Variants in PHF21B observed in about 807,000 individuals in gnomAD.
PHF21B encodes the protein PHD finger protein 21B, also known as PHD finger protein 4.
Under a neutral mutation model 62.2 loss-of-function variants are expected in PHF21B, and 22 were observed. That is an observed-to-expected ratio of 0.35 (90% confidence interval 0.25 to 0.51). The LOEUF (loss-of-function observed/expected upper bound fraction) is 0.51. Among genes scored for constraint, PHF21B ranks in the 20% least tolerant of loss-of-function variants. The pLI, the probability that PHF21B is intolerant of heterozygous loss-of-function variation, is 0.97. For synonymous variants in PHF21B, 341 were observed against 314.7 expected (o/e 1.08, Z -0.88); for missense variants, 701 against 707.9 (o/e 0.99, Z 0.11).
chr22:44,929,120 C>A (rs1223013548), intron 2 of PHF21B, among the ~76,000 whole-genome samples: 1 of 152,272 alleles, frequency 6.6e-6, no homozygotes, highest in African/African-American at 2.4e-5. Context: ...CTTTAGAGAA[C>A]TGCTGTGATG....
intron 2 of PHF21B, among the ~76,000 whole-genome samples, chr22:44,946,730 G>T (rs534964268): frequency 6.6e-6 from 1 of 152,244 alleles, no homozygotes; most frequent in East Asian, 1.9e-4. Context: ...GGATGCTCAG[G>T]ATTCCAGGGG....
At chr22:44,996,322 T>A (rs2073122341) in intron 2 of PHF21B, among the ~76,000 whole-genome samples, 1 of 152,108 alleles carries the variant, frequency 6.6e-6, no homozygotes, top group African/African-American at 2.4e-5. Flanking sequence ...TCAGGGAGCA[T>A]CCGCCAGCCT....
At chr22:44,999,537 A>G (rs2073176084) in intron 2 of PHF21B, among the ~76,000 whole-genome samples, 1 of 152,108 alleles carries the variant, frequency 6.6e-6, no homozygotes, top group Admixed American at 6.5e-5. Flanking sequence ...TCGGAGCAAA[A>G]GTACTGCTCG....
Position 44,961,470 on chromosome 22 carries a change from T to G in PHF21B, c.121-40980A>C, listed in dbSNP as rs537873806. On this transcript the variant is annotated intron_variant, in intron 2 of 12. Transcript: ENST00000313237. ...CACTGTTGCCGTCTTTATGTCCCTG[T>G]GAATCTAATGTTTAGCTCTTACTTC... 2.0e-5 allele frequency among the ~76,000 whole-genome samples: 3 copies of G among 152,288 alleles called. No homozygotes were observed. The East Asian group carries it at 5.8e-4, about 29-fold the overall frequency.
chr22:44,951,554 T>C (rs2072194389), intron 2 of PHF21B, among the ~76,000 whole-genome samples: 1 of 152,350 alleles, frequency 6.6e-6, no homozygotes. Context: ...TTGCACTCTT[T>C]GGGTCTTGAT....
chr22:44,924,264 A>G lies in PHF21B; in HGVS notation c.121-3774T>C, dbSNP rs74279901. On this transcript the variant is annotated intron_variant, in intron 2 of 12. Transcript: ENST00000313237. ...AGCCTATTCAGATGGCTAAAATTAAAAAGACTGACCAAATCAAGTGCTGGT... is the reference window on the plus strand; with the variant it reads ...AGCCTATTCAGATGGCTAAAATTAAGAAGACTGACCAAATCAAGTGCTGGT... Among the ~76,000 whole-genome samples, 400 of 152,344 alleles carry G rather than the reference A, an allele frequency of 2.6e-3. 21 individuals carry two copies. In the East Asian group the frequency reaches 0.071, roughly 27 times the overall value.
At chr22:44,924,809 T>G (rs1327184965) in intron 2 of PHF21B, among the ~76,000 whole-genome samples, 1 of 152,120 alleles carries the variant, frequency 6.6e-6, no homozygotes, top group Non-Finnish European at 1.5e-5. Flanking sequence ...TCCTAAGCAT[T>G]CGCCAAGAGA....
chr22:45,000,029 ATT>A lies in PHF21B; in HGVS notation c.120+8514_120+8515del, dbSNP rs2073186447. On this transcript the variant is annotated intron_variant, in intron 2 of 12. Coordinates refer to ENST00000313237, the MANE Select transcript of PHF21B (RefSeq NM_138415.5). ...TCTGCTGCCTGGCTGGCCATGAACT[ATT>A]ATTAATCCCCTTTTATAACTACGGA... Among the ~76,000 whole-genome samples the A allele has an allele frequency of 5.3e-5, 8 of 152,166 alleles. No homozygotes were observed. The South Asian group carries it at 1.7e-3, about 32-fold the overall frequency.
intron 2 of PHF21B, among the ~76,000 whole-genome samples, chr22:44,923,087 C>T (rs775813433): frequency 2.0e-5 from 3 of 152,016 alleles, no homozygotes; most frequent in East Asian, 1.9e-4. Context: ...CTCCAAGACC[C>T]GCTATAAAGC....
At chr22:44,907,902 C>A (rs568362849) in intron 5 of PHF21B, among the ~76,000 whole-genome samples, 1 of 152,276 alleles carries the variant, frequency 6.6e-6, no homozygotes, top group South Asian at 2.1e-4. Flanking sequence ...CACAATCCCA[C>A]GGTCCACTGA....
chr22:44,913,980 G>A lies in PHF21B; in HGVS notation c.673C>T (p.Leu225Phe). 3 of 1,609,442 alleles carry A rather than the reference G, an allele frequency of 1.9e-6. No individual in the cohort carries two copies. The highest frequency in any genetic ancestry group is 2.5e-6 in the Non-Finnish European group (3 of 1,176,494). The stretch of plus-strand genomic sequence containing the variant: ...ATGATGACCTGGAAGATGCCATGGA[G>A]GGGTGAAGGGGACAGTGATGGGGAG... ...PPSPSLSPSP[L>F]HGIFQVIIIQ... The change falls in exon 5 of 13, where the codon CTC (leucine) becomes TTC (phenylalanine). Residue 225 changes from leucine (L) to phenylalanine (F), a missense_variant. Leu to Phe is a conservative substitution (Grantham distance 22). Coordinates refer to ENST00000313237, the MANE Select transcript of PHF21B (RefSeq NM_138415.5).
intron 2 of PHF21B, 121 bp downstream of exon 2, chr22:45,008,424 A>T: frequency 1.1e-6 from 1 of 914,356 alleles, no homozygotes; most frequent in Non-Finnish European, 1.5e-6. Flanking sequence ...TGAGAACTGG[A>T]GACAGACCCC....
At chr22:45,008,891 T>G (rs1259079998) in intron 1 of PHF21B, 7 of 1,167,026 alleles carry the variant, frequency 6.0e-6, no homozygotes, top group Non-Finnish European at 7.4e-6. Context: ...CAGGCCGGGG[T>G]GCGTGTGCGA....
At chr22:44,999,797 A>G (rs1471423166) in intron 2 of PHF21B, among the ~76,000 whole-genome samples, 10 of 152,006 alleles carry the variant, frequency 6.6e-5, no homozygotes, top group African/African-American at 2.2e-4. Flanking sequence ...CAAGGCCCCC[A>G]ACCTCTCTGG....
intron 10 of PHF21B, 148 bp from the exon 11 acceptor site, chr22:44,886,086 C>A: frequency 1.5e-6 from 1 of 660,618 alleles, no homozygotes; most frequent in Non-Finnish European, 2.6e-6. Context: ...CCGCACATGC[C>A]TCATGGCCCA....
At chr22:45,002,246 G>A (rs1037157594) in intron 2 of PHF21B, among the ~76,000 whole-genome samples, 1 of 151,992 alleles carries the variant, frequency 6.6e-6, no homozygotes, top group African/African-American at 2.4e-5. Context: ...CGTTACATGT[G>A]GCCAAGAAAA....
intron 2 of PHF21B, among the ~76,000 whole-genome samples, chr22:44,926,673 G>A (rs977229767): frequency 5.3e-5 from 8 of 152,224 alleles, no homozygotes; most frequent in South Asian, 2.1e-4. Context: ...AAGGGTTGCC[G>A]TGTGGGCTGG....
intron 5 of PHF21B, among the ~76,000 whole-genome samples, chr22:44,908,110 G>A (rs981726328): frequency 3.3e-5 from 5 of 152,178 alleles, no homozygotes; most frequent in South Asian, 2.1e-4. Context: ...TGAGCGGTTC[G>A]GGTCCTGAGC....
chr22:44,893,136 C>T (rs1357845494), intron 7 of PHF21B, among the ~76,000 whole-genome samples: 2 of 152,138 alleles, frequency 1.3e-5, no homozygotes, highest in African/African-American at 4.8e-5. Context: ...GTGTCCAGCC[C>T]TGCCTGTGAC....
Sources: allele counts gnomAD v4.1 joint callset (sites outside exome capture counted in the v4.1 genomes callset), GRCh38; gene constraint gnomAD v4.1.1; transcripts MANE v1.5; gene names NCBI Gene and HGNC (gene_info 2026-07-23, HGNC 2026-07-21).